The following G3BP2 variants were observed in gnomAD, a reference collection of about 807,000 sequenced individuals.
G3BP2 encodes the protein ras GTPase-activating protein-binding protein 2.
In G3BP2, 11 loss-of-function variants were observed where a neutral mutation model predicts 56.7. The ratio of observed to expected loss-of-function variants is 0.19; its 90% confidence interval spans 0.12 to 0.32. The LOEUF (loss-of-function observed/expected upper bound fraction) is 0.32. Among genes scored for constraint, G3BP2 ranks in the 10% least tolerant of loss-of-function variants. G3BP2 has a pLI of 1.00. For missense variants in G3BP2, 340 were observed against 610.9 expected (o/e 0.56, Z 4.67); for synonymous variants, 165 against 191.6 (o/e 0.86, Z 1.15).
intron 3 of G3BP2, among the ~76,000 whole-genome samples, chr4:75,707,948 C>T (rs1719615766): frequency 6.6e-6 from 1 of 152,110 alleles, no homozygotes; most frequent in African/African-American, 2.4e-5. Flanking sequence ...CCAATATATA[C>T]ATAAAATGAG....
chr4:75,714,043 C>T (rs1340067981), intron 3 of G3BP2, among the ~76,000 whole-genome samples: 3 of 152,126 alleles, frequency 2.0e-5, no homozygotes, highest in African/African-American at 7.2e-5. Flanking sequence ...GCTAAAGAGA[C>T]ATGACATCTA....
In G3BP2 at chr4:75,644,432, G is replaced by T. The variant is rs181309879; in HGVS notation, c.*998C>A. ...TACTGCAATTTTTATACATTTCGAT[G>T]ATTTTTCAACATTTTGCAGCTGTTT... On this transcript the variant is annotated 3_prime_UTR_variant, in exon 12 of 12. Coordinates refer to ENST00000359707, the MANE Select transcript of G3BP2 (RefSeq NM_203505.3). 3.3e-5 allele frequency: 5 copies of T among 152,564 alleles called. No homozygotes were observed. The highest frequency in any genetic ancestry group is 9.7e-5 in the African/African-American group (4 of 41,434). The allele number at this position is 152,564 out of a possible 1,614,324, so 9.5% of individuals were successfully genotyped here.
chr4:75,646,919 C>T (rs1304995698), intron 10 of G3BP2, 110 bp downstream of exon 10: 2 of 641,716 alleles, frequency 3.1e-6, no homozygotes, highest in Non-Finnish European at 5.2e-6. Context: ...TAGCTGGACA[C>T]AGTATAAAGA....
At chr4:75,697,503 A>C (rs1466709633) in intron 3 of G3BP2, among the ~76,000 whole-genome samples, 2 of 152,128 alleles carry the variant, frequency 1.3e-5, no homozygotes, top group Admixed American at 1.3e-4. Flanking sequence ...AGATTTTAAA[A>C]ATTAATGTAT....
At chr4:75,703,235 G>GGTGCAAGTGTGCACC (rs1719414715) in intron 3 of G3BP2, among the ~76,000 whole-genome samples, 1 of 152,084 alleles carries the variant, frequency 6.6e-6, no homozygotes, top group Non-Finnish European at 1.5e-5. Context: ...GATCAAACAC[G>GGTGCAAGTGTGCACC]AGTGTGGTGC....
At chr4:75,646,582 C>T (rs892403520) in intron 10 of G3BP2, 126 bp from the exon 11 acceptor site, 5 of 693,590 alleles carry the variant, frequency 7.2e-6, no homozygotes, top group African/African-American at 3.7e-5. Flanking sequence ...CAAGCTTCTA[C>T]ACACAGTGAT....
chr4:75,717,917 G>T (rs1320856259), intron 3 of G3BP2, among the ~76,000 whole-genome samples: 2 of 152,002 alleles, frequency 1.3e-5, no homozygotes, highest in Non-Finnish European at 2.9e-5. Context: ...GAGGCGGGTG[G>T]GTCACGAGGT....
At chr4:75,680,860 C>A (rs554788389) in intron 3 of G3BP2, among the ~76,000 whole-genome samples, 1 of 151,430 alleles carries the variant, frequency 6.6e-6, no homozygotes, top group African/African-American at 2.4e-5. Flanking sequence ...CCCAGCTACT[C>A]GGGAGGCCGA....
chr4:75,671,339 T>C (rs948375124), intron 1 of G3BP2, among the ~76,000 whole-genome samples: 1 of 152,210 alleles, frequency 6.6e-6, no homozygotes, highest in Non-Finnish European at 1.5e-5. Context: ...TCAATCCTAA[T>C]TATGCGTAAT....
At chr4:75,673,463 G>A (rs568632400), upstream of G3BP2, 479 of 1,232,180 alleles carry the variant, frequency 3.9e-4, 4 homozygotes, top group South Asian at 0.015. Context: ...CTGCCGAAAG[G>A]GCCAGGGAAC....
chr4:75,701,128 C>A (rs1179855909), intron 3 of G3BP2, among the ~76,000 whole-genome samples: 2 of 152,110 alleles, frequency 1.3e-5, no homozygotes. Context: ...CAGGCGTGAG[C>A]CACCACGCCC....
chr4:75,723,360 A>C, intron 1 of G3BP2, among the ~76,000 whole-genome samples: 1 of 152,204 alleles, frequency 6.6e-6, no homozygotes, highest in East Asian at 1.9e-4. Flanking sequence ...CCAAGGATGG[A>C]CTGGAGATTG....
intron 3 of G3BP2, among the ~76,000 whole-genome samples, chr4:75,701,211 G>C (rs1290007544): frequency 2.0e-5 from 3 of 152,094 alleles, no homozygotes; most frequent in African/African-American, 7.2e-5. Flanking sequence ...TTGCAAAAAG[G>C]AATCTTGTTG....
At chr4:75,646,132 C>T (rs1731194257) in intron 11 of G3BP2, among the ~76,000 whole-genome samples, 1 of 152,138 alleles carries the variant, frequency 6.6e-6, no homozygotes, top group Non-Finnish European at 1.5e-5. Context: ...TGCAATCTTG[C>T]AATCTTTCCC....
At chr4:75,704,475 G>A (rs1441295429) in intron 3 of G3BP2, among the ~76,000 whole-genome samples, 1 of 148,758 alleles carries the variant, frequency 6.7e-6, no homozygotes, top group African/African-American at 2.4e-5. Context: ...GAGCCACCAT[G>A]CCCAGGTAAT....
chr4:75,723,979 A>G (rs1411237405), intron 1 of G3BP2: 1 of 152,212 alleles, frequency 6.6e-6, no homozygotes, highest in Non-Finnish European at 1.5e-5. Context: ...ACACAGCAGA[A>G]CAATGTATTT....
chr4:75,689,042 T>C (rs1718739877), intron 3 of G3BP2, among the ~76,000 whole-genome samples: 2 of 151,992 alleles, frequency 1.3e-5, no homozygotes, highest in Admixed American at 6.6e-5. Context: ...TGGTATTGGA[T>C]ATAAGATGTG....
At chr4:75,646,563 T>C in intron 10 of G3BP2, 107 bp from the exon 11 acceptor site, 2 of 766,842 alleles carry the variant, frequency 2.6e-6, no homozygotes, top group Non-Finnish European at 4.6e-6. Context: ...CATTTTAAAA[T>C]AAAACTCGCA....
chr4:75,689,003 A>G (rs1225511653), intron 3 of G3BP2, among the ~76,000 whole-genome samples: 1 of 151,782 alleles, frequency 6.6e-6, no homozygotes, highest in Non-Finnish European at 1.5e-5. Flanking sequence ...CCTATTAAAC[A>G]CTCCTAGGCA....
Sources: allele counts gnomAD v4.1 joint callset (sites outside exome capture counted in the v4.1 genomes callset), GRCh38; gene constraint gnomAD v4.1.1; transcripts MANE v1.5; gene names NCBI Gene and HGNC (gene_info 2026-07-23, HGNC 2026-07-21).